Variants in MAP3K12 observed in about 807,000 individuals in gnomAD.
MAP3K12 encodes the protein MAPK-upstream kinase.
A neutral mutation model predicts 87.5 loss-of-function variants in MAP3K12; 14 were observed. That is an observed-to-expected ratio of 0.16 (90% confidence interval 0.11 to 0.25). MAP3K12 has a LOEUF of 0.25. Among genes scored for constraint, MAP3K12 ranks in the 10% least tolerant of loss-of-function variants. The probability of loss-of-function intolerance (pLI) is 1.00; values close to 1 mark genes in which losing one functional copy is unlikely to be tolerated. For synonymous variants in MAP3K12, 469 were observed against 452.5 expected, an observed-to-expected ratio of 1.04 and a Z score of -0.46; for missense variants, 802 against 1,140.4, an observed-to-expected ratio of 0.70 and a Z score of 4.27.
At chr12:53,490,301 C>A (rs1370832292) in intron 1 of MAP3K12, among the ~76,000 whole-genome samples, 4 of 151,708 alleles carry the variant, frequency 2.6e-5, no homozygotes, top group African/African-American at 9.7e-5. Context: ...AAGACTGTGT[C>A]TCAACAACAA....
intron 4 of MAP3K12, 126 bp from the exon 5 acceptor site, chr12:53,485,601 G>T: frequency 9.1e-7 from 1 of 1,103,542 alleles, no homozygotes; most frequent in South Asian, 1.5e-5. Context: ...TGTCACTCAG[G>T]CTGGAGTGCA....
chr12:53,495,733 C>T (rs376526421), intron 1 of MAP3K12, among the ~76,000 whole-genome samples: 9 of 152,116 alleles, frequency 5.9e-5, no homozygotes, highest in Admixed American at 4.6e-4. Context: ...AGTCCTGGCC[C>T]CAGGATCCCA....
chr12:53,487,054 T>G lies in MAP3K12; in HGVS notation c.338A>C (p.Gln113Pro). The G allele has an allele frequency of 6.2e-7, 1 of 1,614,106 alleles. No individual in the cohort carries two copies. Among genetic ancestry groups the G allele is most frequent in the Non-Finnish European group, 8.5e-7 (1 of 1,180,010 alleles). ...AAGGAAGCCACTGCCACTCTGGCACTGCAGTCGCACCTCGTCAGCTCGAAC... is the reference window on the plus strand; with the variant it reads ...AAGGAAGCCACTGCCACTCTGGCACGGCAGTCGCACCTCGTCAGCTCGAAC... ...SRVRADEVRL[Q>P]CQSGSGFLEG... is the part of the protein sequence containing the mutation. The change falls in exon 2 of 14, where the codon CAG (glutamine) becomes CCG (proline). Residue 113 changes from glutamine to proline, a missense_variant. Physicochemically the swap from Gln to Pro is moderately conservative, Grantham distance 76 (BLOSUM62 -1). This residue lies in a region of MAP3K12 where 135 missense variants were observed against 151.6 expected (regional missense o/e 0.89). Coordinates refer to ENST00000547488, the MANE Select transcript of MAP3K12 (RefSeq NM_001193511.2).
intron 1 of MAP3K12, among the ~76,000 whole-genome samples, chr12:53,490,951 G>A (rs900738961): frequency 2.0e-5 from 3 of 151,894 alleles, no homozygotes; most frequent in African/African-American, 7.3e-5. Flanking sequence ...ACTTGGCCAC[G>A]TCGGGTTTTT....
intron 6 of MAP3K12, chr12:53,484,800 A>G (rs1005139596): frequency 1.5e-5 from 8 of 540,168 alleles, no homozygotes; most frequent in Admixed American, 3.2e-5. Context: ...TTGTACTTGT[A>G]TGCACTCACT....
intron 6 of MAP3K12, 109 bp downstream of exon 6, chr12:53,484,947 A>T: frequency 7.2e-7 from 1 of 1,379,426 alleles, no homozygotes; most frequent in Non-Finnish European, 1.0e-6. Flanking sequence ...GATGAAAGTC[A>T]GTCTCTTTGA....
chr12:53,501,214 T>G, upstream of MAP3K12: 1 of 614,474 alleles, frequency 1.6e-6, no homozygotes, highest in Non-Finnish European at 2.8e-6. Context: ...ACGCAGAGGG[T>G]TGTGGGGCGG....
chr12:53,490,700 C>T (rs183782381), intron 1 of MAP3K12, among the ~76,000 whole-genome samples: 289 of 150,868 alleles, frequency 1.9e-3, no homozygotes, highest in Non-Finnish European at 3.0e-3. Context: ...GAGCCGAGAT[C>T]GCACCACTGC....
rs1181693708 is a variant in MAP3K12 at position 53,480,367 on chromosome 12, G to GT, written c.*814dup. The stretch of plus-strand genomic sequence containing the variant: ...TTGACATTATACTCATTTAGTGAGA[G>GT]TAGATGCAAAAAAGTGGAGGGGCAG... On this transcript the variant is annotated 3_prime_UTR_variant, in exon 14 of 14. Coordinates refer to ENST00000547488, the MANE Select transcript of MAP3K12 (RefSeq NM_001193511.2). 1 of 152,344 alleles carries GT rather than the reference G, an allele frequency of 6.6e-6. No individual in the cohort carries two copies. Among genetic ancestry groups the GT allele is most frequent in the African/African-American group, 2.4e-5 (1 of 41,426 alleles). 9.4% of individuals were successfully genotyped at this position (152,344 alleles called of 1,614,324 possible).
In MAP3K12 at chr12:53,485,427, A is replaced by T; in HGVS notation, c.870T>A (p.Thr290=). ...TGCTCTTGTCACTCAGCTCCTTGGA[A>T]GTGCCAAAATCTGAGATCTTCACCA... ...DDVVKISDFG[T]SKELSDKSTK... The change falls in exon 5 of 14, where the codon ACT becomes ACA. Residue 290 remains threonine, a synonymous_variant. Transcript: ENST00000547488. 6.2e-7 allele frequency: 1 copy of T among 1,613,882 alleles called. No individual in the cohort carries two copies. The highest frequency in any genetic ancestry group is 1.3e-5 in the African/African-American group (1 of 74,906).
intron 13 of MAP3K12, 82 bp from the exon 14 acceptor site, chr12:53,481,362 T>G: frequency 2.8e-6 from 2 of 720,658 alleles, no homozygotes; most frequent in Non-Finnish European, 4.1e-6. Flanking sequence ...CTTACTGATT[T>G]GTTTTTTAAG....
chr12:53,481,357 T>C lies in MAP3K12; in HGVS notation c.2581-77A>G, dbSNP rs1485901316. Reference sequence around the variant, plus strand: ...GTCATTTTAATAGCCAGTGGCTTACTGATTTGTTTTTTAAGACAGAGTCTC... The same window carrying C: ...GTCATTTTAATAGCCAGTGGCTTACCGATTTGTTTTTTAAGACAGAGTCTC... On this transcript the variant is annotated intron_variant, in intron 13 of 13. Coordinates refer to ENST00000547488, the MANE Select transcript of MAP3K12 (RefSeq NM_001193511.2). 3 of 762,492 alleles carry C rather than the reference T, an allele frequency of 3.9e-6. No homozygotes were observed. In the African/African-American group the frequency reaches 5.6e-5, roughly 14 times the overall value. The allele number at this position is 762,492 out of a possible 1,614,324, so 47.2% of individuals were successfully genotyped here.
chr12:53,496,769 G>A (rs1282145382), intron 1 of MAP3K12, among the ~76,000 whole-genome samples: 1 of 152,178 alleles, frequency 6.6e-6, no homozygotes, highest in Admixed American at 6.5e-5. Flanking sequence ...AATTGTAAAA[G>A]AGAAAATAAG....
Position 53,484,011 on chromosome 12 carries a change from G to A in MAP3K12, c.1258C>T (p.Arg420Trp). The A allele has an allele frequency of 6.2e-7, 1 of 1,613,902 alleles. No individual in the cohort carries two copies. Among genetic ancestry groups the A allele is most frequent in the Non-Finnish European group, 8.5e-7 (1 of 1,179,874 alleles). Reference sequence around the variant, plus strand: ...TCAAAGTGCAGTTTTACTTCTTCCCGCCACTCTGCCTATGGGTTGAGAGCA... The same window carrying A: ...TCAAAGTGCAGTTTTACTTCTTCCCACCACTCTGCCTATGGGTTGAGAGCA... ...ETYFKSQAEW[R>W]EEVKLHFEKI... is the part of the protein sequence containing the mutation. The change falls in exon 8 of 14, where the codon CGG (arginine) becomes TGG (tryptophan). Residue 420 changes from arginine (R) to tryptophan (W), a missense_variant. Arg to Trp is a moderately radical substitution (Grantham distance 101). Coordinates refer to ENST00000547488, the MANE Select transcript of MAP3K12 (RefSeq NM_001193511.2).
chr12:53,491,301 A>AAAAAAAAAAAAAG (rs796169121), intron 1 of MAP3K12, among the ~76,000 whole-genome samples: 8,551 of 99,202 alleles, frequency 0.086, 1,073 homozygotes, highest in African/African-American at 0.19. Context: ...AAAAAAAAAA[A>AAAAAAAAAAAAAG]AAAAGAAAAG....
chr12:53,493,573 T>C (rs1376203462), intron 1 of MAP3K12: 2 of 151,108 alleles, frequency 1.3e-5, no homozygotes, highest in African/African-American at 4.9e-5. Flanking sequence ...CCGAGAAGGA[T>C]GGCTTGAAAA....
Position 53,482,596 on chromosome 12 carries a change from A to C in MAP3K12, c.2207T>G (p.Leu736Arg), listed in dbSNP as rs1943097349. 6.2e-7 allele frequency: 1 copy of C among 1,613,342 alleles called. No individual in the cohort carries two copies. The highest frequency in any genetic ancestry group is 8.5e-7 in the Non-Finnish European group (1 of 1,179,802). Residue 736 changes from leucine (L) to arginine (R), a missense_variant, in exon 11 of 14, where the codon CTG becomes CGG. Leu to Arg is a moderately radical substitution (Grantham distance 102, BLOSUM62 -2). Around this residue, in one of 5 missense-constraint regions of MAP3K12, gnomAD observed 490 missense variants for 496.6 expected, o/e 0.99. Coordinates refer to ENST00000547488, the MANE Select transcript of MAP3K12 (RefSeq NM_001193511.2). Reference protein sequence around the residue: ...AGSQHLTPAALLYRAAVTRSQ... With the variant: ...AGSQHLTPAARLYRAAVTRSQ... ...TCGGGTGACGGCAGCCCTGTACAGC[A>C]GTGCAGCTGGGGTCAAGTGCTGGGA...
intron 9 of MAP3K12, 32 bp from the exon 10 acceptor site, chr12:53,483,518 A>G: frequency 1.9e-6 from 3 of 1,613,918 alleles, no homozygotes; most frequent in Non-Finnish European, 2.5e-6. Flanking sequence ...CAGCTGGGCA[A>G]ATGACCAGGA....
At chr12:53,501,495 A>G, upstream of MAP3K12, 7 of 1,555,424 alleles carry the variant, frequency 4.5e-6, no homozygotes, top group Non-Finnish European at 6.1e-6. Context: ...TTCAGGGCGA[A>G]AAGCGTGGGG....
Sources: gnomAD v4.1 joint callset for allele counts (sites outside exome capture counted in the v4.1 genomes callset) on GRCh38, gnomAD v4.1.1 for gene constraint, gnomAD v4.1.1 regional missense constraint, MANE v1.5 for transcripts, NCBI Gene and HGNC (gene_info 2026-07-23, HGNC 2026-07-21) for gene names.